Variants in PLCL2 observed in about 807,000 individuals in gnomAD.
PLCL2 encodes the protein phospholipase C like 2, also known as inactive phospholipase C-like protein 2.
Under a neutral mutation model 79.6 loss-of-function variants are expected in PLCL2, and 4 were observed. The ratio of observed to expected loss-of-function variants is 0.05; its 90% CI spans 0.02 to 0.11. The LOEUF is 0.11. Ranked by LOEUF, PLCL2 falls within the 10% of genes least tolerant of loss-of-function variation. PLCL2 has a pLI of 1.00. For synonymous variants in PLCL2, 484 were observed against 457.7 expected (o/e 1.06, Z -0.73); for missense variants, 895 against 1,291.0 (o/e 0.69, Z 4.70).
intron 3 of PLCL2, among the ~76,000 whole-genome samples, chr3:17,037,693 T>C (rs1022496052): frequency 6.6e-6 from 1 of 152,300 alleles, no homozygotes; most frequent in Admixed American, 6.5e-5. Context: ...TACTAAAATT[T>C]CTTTCACCCA....
intron 5 of PLCL2, among the ~76,000 whole-genome samples, chr3:17,079,929 C>T (rs944155788): frequency 4.6e-5 from 7 of 152,174 alleles, no homozygotes; most frequent in African/African-American, 1.4e-4. Context: ...CCTCGAACCA[C>T]AGAAACATCT....
chr3:17,047,504 G>C (rs1332222961), intron 4 of PLCL2, among the ~76,000 whole-genome samples: 1 of 152,318 alleles, frequency 6.6e-6, no homozygotes, highest in South Asian at 2.1e-4. Flanking sequence ...AAAAGCTCCA[G>C]CGTATTTTCA....
At chr3:17,066,145 G>A (rs1230797699) in intron 4 of PLCL2, among the ~76,000 whole-genome samples, 1 of 152,170 alleles carries the variant, frequency 6.6e-6, no homozygotes, top group Non-Finnish European at 1.5e-5. Flanking sequence ...TGGGGTGGAA[G>A]GGGCTTATTC....
Position 16,885,028 on chromosome 3 carries a change from C to T in PLCL2, c.-12C>T, listed in dbSNP as rs1180053024. The T allele has an allele frequency of 6.2e-6, 2 of 323,280 alleles. No homozygotes were observed. Among genetic ancestry groups the T allele is most frequent in the African/African-American group, 4.4e-5 (2 of 45,288 alleles). The allele number at this position is 323,280 out of a possible 1,614,324, so 20.0% of individuals were successfully genotyped here. A position where few individuals can be genotyped will look rare whatever the true frequency, so the allele number is the denominator to read the frequency against. On this transcript the variant is annotated 5_prime_UTR_variant, in exon 1 of 6. Coordinates refer to ENST00000615277, the MANE Select transcript of PLCL2 (RefSeq NM_001144382.2). ...AGGACGCGGCTTTGTGCAGGCGGGTCGCGGGGCGCCCATGGCGGAGTGCGG... is the reference window on the plus strand; with the variant it reads ...AGGACGCGGCTTTGTGCAGGCGGGTTGCGGGGCGCCCATGGCGGAGTGCGG...
chr3:17,032,114 T>G (rs1221496474), intron 3 of PLCL2, among the ~76,000 whole-genome samples: 1 of 152,132 alleles, frequency 6.6e-6, no homozygotes, highest in African/African-American at 2.4e-5. Context: ...GGTTTAGAAA[T>G]TTTAAATATT....
At chr3:16,899,123 A>T (rs551939414) in intron 1 of PLCL2, among the ~76,000 whole-genome samples, 2 of 152,338 alleles carry the variant, frequency 1.3e-5, no homozygotes, top group South Asian at 2.1e-4. Flanking sequence ...TATCGAGGGG[A>T]TGCCCTTTGC....
intron 1 of PLCL2, among the ~76,000 whole-genome samples, chr3:16,927,184 G>A (rs1697276494): frequency 6.6e-6 from 1 of 152,054 alleles, no homozygotes; most frequent in Admixed American, 6.5e-5. Flanking sequence ...GGAAGAACTG[G>A]GTAAACCCTT....
chr3:17,061,619 C>T (rs1054641273), intron 4 of PLCL2, among the ~76,000 whole-genome samples: 1 of 151,996 alleles, frequency 6.6e-6, no homozygotes, highest in Admixed American at 6.6e-5. Flanking sequence ...GTGTAATCAA[C>T]ACCTACACAT....
At chr3:17,043,876 G>A (rs1175861611) in intron 4 of PLCL2, among the ~76,000 whole-genome samples, 1 of 152,076 alleles carries the variant, frequency 6.6e-6, no homozygotes, top group East Asian at 1.9e-4. Flanking sequence ...AGCAAATATT[G>A]TTAGCAAAGT....
intron 1 of PLCL2, among the ~76,000 whole-genome samples, chr3:16,991,130 G>A (rs2064100691): frequency 6.6e-6 from 1 of 152,206 alleles, no homozygotes; most frequent in Non-Finnish European, 1.5e-5. Flanking sequence ...GCATAACCCA[G>A]TGGGCATCCA....
At chr3:17,039,416 G>A (rs1352061915) in intron 3 of PLCL2, among the ~76,000 whole-genome samples, 1 of 152,222 alleles carries the variant, frequency 6.6e-6, no homozygotes, top group African/African-American at 2.4e-5. Flanking sequence ...TTCCTTAAGA[G>A]TACCTAGAGG....
At chr3:17,050,155 A>C (rs1001654283) in intron 4 of PLCL2, among the ~76,000 whole-genome samples, 2 of 152,154 alleles carry the variant, frequency 1.3e-5, no homozygotes, top group African/African-American at 2.4e-5. Flanking sequence ...CTGGACCCCT[A>C]TCTCTCTCCT....
At chr3:17,077,221 T>G (rs947249885) in intron 5 of PLCL2, among the ~76,000 whole-genome samples, 3 of 152,236 alleles carry the variant, frequency 2.0e-5, no homozygotes, top group Non-Finnish European at 4.4e-5. Context: ...TGAAAATCAT[T>G]GTTTTCTGCA....
intron 1 of PLCL2, among the ~76,000 whole-genome samples, chr3:16,890,024 G>C (rs1696310583): frequency 6.6e-6 from 1 of 152,108 alleles, no homozygotes; most frequent in Non-Finnish European, 1.5e-5. Context: ...AAATCTAATG[G>C]CCAATCAGCA....
chr3:16,978,933 G>A (rs528547668), intron 1 of PLCL2, among the ~76,000 whole-genome samples: 7 of 152,086 alleles, frequency 4.6e-5, no homozygotes, highest in Non-Finnish European at 8.8e-5. Context: ...TGGTGGATAC[G>A]GAGATACTTG....
chr3:16,967,379 C>G (rs1281275553), intron 1 of PLCL2, among the ~76,000 whole-genome samples: 1 of 152,138 alleles, frequency 6.6e-6, no homozygotes, highest in South Asian at 2.1e-4. Context: ...TACTTTTCCA[C>G]TAGCAATGTA....
At chr3:17,073,355 A>C (rs2065078854) in intron 5 of PLCL2, among the ~76,000 whole-genome samples, 1 of 152,224 alleles carries the variant, frequency 6.6e-6, no homozygotes, top group Non-Finnish European at 1.5e-5. Context: ...AAATCAATGT[A>C]CATAGCTTAA....
chr3:16,957,203 T>C (rs1162655388), intron 1 of PLCL2, among the ~76,000 whole-genome samples: 1 of 152,188 alleles, frequency 6.6e-6, no homozygotes, highest in Non-Finnish European at 1.5e-5. Flanking sequence ...GCTTTGAATG[T>C]GTCCCAGAGA....
At chr3:16,943,833 C>T (rs991931813) in intron 1 of PLCL2, among the ~76,000 whole-genome samples, 7 of 152,068 alleles carry the variant, frequency 4.6e-5, no homozygotes, top group Non-Finnish European at 7.4e-5. Flanking sequence ...AAATAATTTT[C>T]TAATTAAGGT....
Sources: allele counts gnomAD v4.1 joint callset (sites outside exome capture counted in the v4.1 genomes callset), GRCh38; gene constraint gnomAD v4.1.1; transcripts MANE v1.5; gene names NCBI Gene and HGNC (gene_info 2026-07-23, HGNC 2026-07-21).